Variants in TUFT1 observed in about 807,000 individuals in gnomAD.
TUFT1 encodes tuftelin.
In TUFT1, 43 loss-of-function variants were observed where a neutral mutation model predicts 57.8. That is an observed-to-expected ratio of 0.74 (90% CI 0.58 to 0.96). TUFT1 has a LOEUF of 0.96. Among genes scored for constraint, TUFT1 ranks in the 40% least tolerant of loss-of-function variants. The pLI is 0.00. For missense variants in TUFT1, 459 were observed against 489.0 expected, an observed-to-expected ratio of 0.94 and a Z score of 0.58; for synonymous variants, 166 against 176.7, an observed-to-expected ratio of 0.94 and a Z score of 0.48.
At chr1:151,562,564 C>CTG in intron 2 of TUFT1, 21 bp from the exon 3 acceptor site, 234 of 1,450,340 alleles carry the variant, frequency 1.6e-4, no homozygotes, top group Non-Finnish European at 2.2e-4. Context: ...CTCTCTCTCT[C>CTG]TCTCATCTCT....
chr1:151,575,216 T>G (rs1341395708), intron 9 of TUFT1, among the ~76,000 whole-genome samples: 1 of 152,180 alleles, frequency 6.6e-6, no homozygotes, highest in African/African-American at 2.4e-5. Context: ...GGAGTTCATT[T>G]TCCATGGGGT....
chr1:151,575,874 C>T (rs1247083799), intron 9 of TUFT1, among the ~76,000 whole-genome samples: 3 of 152,164 alleles, frequency 2.0e-5, no homozygotes, highest in Non-Finnish European at 4.4e-5. Flanking sequence ...TTTAGGATAA[C>T]CTAGATTTGA....
chr1:151,558,991 G>A (rs533578216), intron 1 of TUFT1, among the ~76,000 whole-genome samples: 1 of 152,094 alleles, frequency 6.6e-6, no homozygotes, highest in East Asian at 1.9e-4. Flanking sequence ...CACCATGTTG[G>A]CCAGGCTGGT....
At chr1:151,556,523 C>A (rs1459150225) in intron 1 of TUFT1, among the ~76,000 whole-genome samples, 1 of 152,108 alleles carries the variant, frequency 6.6e-6, no homozygotes, top group Admixed American at 6.5e-5. Flanking sequence ...ATCCTCCCAC[C>A]TCAACCTCCT....
In TUFT1 at chr1:151,583,312, A is replaced by C. The variant is rs1666701297; in HGVS notation, c.*1605A>C. On this transcript the variant is annotated 3_prime_UTR_variant, in exon 13 of 13. Coordinates refer to ENST00000368849, the MANE Select transcript of TUFT1 (RefSeq NM_020127.3). ...CAGAGTATGGTACTATAGGAATCAGAAAAATTCAAAACAAATGTGGATTAA... is the reference window on the plus strand; with the variant it reads ...CAGAGTATGGTACTATAGGAATCAGCAAAATTCAAAACAAATGTGGATTAA... The C allele has an allele frequency of 6.6e-6, 1 of 152,218 alleles. No individual in the cohort carries two copies. Among genetic ancestry groups the C allele is most frequent in the Non-Finnish European group, 1.5e-5 (1 of 68,034 alleles). The allele number at this position is 152,218 out of a possible 1,614,324, so 9.4% of individuals were successfully genotyped here.
chr1:151,542,386 TA>T (rs1318992249), intron 1 of TUFT1, among the ~76,000 whole-genome samples: 1 of 144,964 alleles, frequency 6.9e-6, no homozygotes, highest in African/African-American at 2.5e-5. Flanking sequence ...CACACCTGAC[TA>T]AAATTTTTTT....
In TUFT1 at chr1:151,581,828, C is replaced by T. The variant is rs1265201348; in HGVS notation, c.*121C>T. On this transcript the variant is annotated 3_prime_UTR_variant, in exon 13 of 13. Transcript: ENST00000368849. ...TGTCCCCTGGCTGCACCCAGGACTT[C>T]GGGCTCCTGTGTCTCACCATTCCCA... is the stretch of plus-strand genomic sequence containing the variant. The T allele has an allele frequency of 1.2e-5, 13 of 1,041,420 alleles. No individual in the cohort carries two copies. The highest frequency in any genetic ancestry group is 5.5e-4 in the Middle Eastern group (2 of 3,650). 64.5% of individuals were successfully genotyped at this position (1,041,420 alleles called of 1,614,324 possible).
At chr1:151,576,530 T>C (rs2337362) in intron 9 of TUFT1, among the ~76,000 whole-genome samples, 5 of 152,226 alleles carry the variant, frequency 3.3e-5, no homozygotes, top group Admixed American at 3.3e-4. Flanking sequence ...TACACTTCTG[T>C]CCAACTTGGC....
chr1:151,542,905 T>C (rs1665211927), intron 1 of TUFT1, among the ~76,000 whole-genome samples: 1 of 152,168 alleles, frequency 6.6e-6, no homozygotes, highest in African/African-American at 2.4e-5. Context: ...CAGGAATCTG[T>C]CATATATTCA....
intron 1 of TUFT1, among the ~76,000 whole-genome samples, chr1:151,552,476 G>T (rs1474204593): frequency 2.0e-5 from 3 of 152,118 alleles, no homozygotes; most frequent in Non-Finnish European, 4.4e-5. Context: ...AGCCGAGGCG[G>T]GTGGATTACC....
Position 151,576,701 on chromosome 1 carries a change from C to T in TUFT1, c.818+1696C>T, listed in dbSNP as rs146652613. ...AGGCTGGAGTGCAGTGGTGCAATCTCGGCTCACTGCAACCTCCGCCTCCTG... is the reference window on the plus strand; with the variant it reads ...AGGCTGGAGTGCAGTGGTGCAATCTTGGCTCACTGCAACCTCCGCCTCCTG... On this transcript the variant is annotated intron_variant, in intron 9 of 12. Transcript: ENST00000368849. Among the ~76,000 whole-genome samples the T allele has an allele frequency of 5.7e-3, 866 of 152,234 alleles. 9 individuals are homozygous for T. Among genetic ancestry groups the T allele is most frequent in the African/African-American group, 0.02 (829 of 41,556 alleles).
intron 6 of TUFT1, among the ~76,000 whole-genome samples, chr1:151,569,284 G>C (rs962980910): frequency 5.9e-5 from 9 of 152,192 alleles, no homozygotes; most frequent in Non-Finnish European, 1.3e-4. Flanking sequence ...GTCCAAAGGG[G>C]AACATGGTCT....
chr1:151,575,586 A>G (rs1029988636), intron 9 of TUFT1, among the ~76,000 whole-genome samples: 7 of 152,192 alleles, frequency 4.6e-5, no homozygotes, highest in Non-Finnish European at 8.8e-5. Context: ...ATCAGAGGAA[A>G]TCAGAGGCCC....
At chr1:151,569,909 C>G (rs1454369711) in intron 7 of TUFT1, 139 bp downstream of exon 7, 3 of 693,448 alleles carry the variant, frequency 4.3e-6, no homozygotes, top group Non-Finnish European at 7.6e-6. Context: ...AAGCCTGGAA[C>G]GCTTGTCTGC....
intron 7 of TUFT1, among the ~76,000 whole-genome samples, chr1:151,573,699 G>A (rs1320250097): frequency 1.3e-5 from 2 of 152,146 alleles, no homozygotes; most frequent in East Asian, 1.9e-4. Flanking sequence ...AGCCAAGATC[G>A]TGCCATTGCA....
chr1:151,579,973 A>G (rs984097469), intron 11 of TUFT1, among the ~76,000 whole-genome samples: 19 of 152,216 alleles, frequency 1.2e-4, no homozygotes, highest in African/African-American at 4.6e-4. Context: ...ACATGTCATC[A>G]TGGTGCAAGC....
In TUFT1 at chr1:151,540,414, G is replaced by C. The variant is rs754995081; in HGVS notation, c.48G>C (p.Glu16Asp). 12 of 1,614,074 alleles carry C rather than the reference G, an allele frequency of 7.4e-6. No homozygotes were observed. The highest frequency in any genetic ancestry group is 9.3e-6 in the Non-Finnish European group (11 of 1,180,006). The change falls in exon 1 of 13, where the codon GAG (glutamate) becomes GAC (aspartate). Residue 16 changes from glutamate to aspartate, a missense_variant. Transcript: ENST00000368849. ...GTACCCTGGTGGACGTGCACCCAGAGGACCAGGCGGCGGTAAGAAAAAGCG... is the reference window on the plus strand; with the variant it reads ...GTACCCTGGTGGACGTGCACCCAGACGACCAGGCGGCGGTAAGAAAAAGCG... The part of the protein sequence containing the change: ...NWCTLVDVHP[E>D]DQAAGSVDIL...
chr1:151,579,775 A>G, intron 11 of TUFT1, 43 bp downstream of exon 11: 1 of 1,586,274 alleles, frequency 6.3e-7, no homozygotes, highest in African/African-American at 1.3e-5. Context: ...GGACTCTTGA[A>G]GAGAAGGTGG....
chr1:151,582,042 C>G lies in TUFT1; in HGVS notation c.*335C>G, dbSNP rs1030224803. On this transcript the variant is annotated 3_prime_UTR_variant, in exon 13 of 13. Coordinates refer to ENST00000368849, the MANE Select transcript of TUFT1 (RefSeq NM_020127.3). ...ACTCTGGCTGTGCCATAAGCCAGGCCTTCATCAGATTGGGAGAGGTGACAA... is the reference window on the plus strand; with the variant it reads ...ACTCTGGCTGTGCCATAAGCCAGGCGTTCATCAGATTGGGAGAGGTGACAA... The G allele has an allele frequency of 5.6e-6, 3 of 540,100 alleles. No homozygotes were observed. The highest frequency in any genetic ancestry group is 1.1e-5 in the Non-Finnish European group (3 of 282,148). 33.5% of individuals were successfully genotyped at this position (540,100 alleles called of 1,614,324 possible).
Sources: allele counts gnomAD v4.1 joint callset (sites outside exome capture counted in the v4.1 genomes callset), GRCh38; gene constraint gnomAD v4.1.1; transcripts MANE v1.5; gene names NCBI Gene and HGNC (gene_info 2026-07-23, HGNC 2026-07-21).